The following RAP1GDS1 variants were observed in gnomAD, a reference collection of about 807,000 sequenced individuals.
RAP1GDS1 encodes the protein Rap1 GTPase-GDP dissociation stimulator 1, also known as RAP1, GTP-GDP dissociation stimulator 1.
A neutral mutation model predicts 71.1 loss-of-function variants in RAP1GDS1; 35 were observed. The ratio of observed to expected loss-of-function variants is 0.49; its 90% CI spans 0.38 to 0.65. The LOEUF is 0.65. RAP1GDS1 is among the 30% of genes least tolerant of loss of function. The probability of loss-of-function intolerance (pLI) is 0.00; values close to 1 mark genes in which losing one functional copy is unlikely to be tolerated. For synonymous variants in RAP1GDS1, 229 were observed against 243.1 expected (o/e 0.94, Z 0.54); for missense variants, 663 against 706.1 (o/e 0.94, Z 0.69).
chr4:98,411,832 T>C (rs1298138449), intron 7 of RAP1GDS1, among the ~76,000 whole-genome samples: 1 of 152,158 alleles, frequency 6.6e-6, no homozygotes, highest in Non-Finnish European at 1.5e-5. Context: ...ATTTGTATAG[T>C]TCAAGGATTT....
intron 4 of RAP1GDS1, among the ~76,000 whole-genome samples, chr4:98,358,380 A>G (rs1357610124): frequency 6.6e-6 from 1 of 152,066 alleles, no homozygotes; most frequent in East Asian, 1.9e-4. Flanking sequence ...TACAGAAGGT[A>G]GTTTTATTTG....
intron 1 of RAP1GDS1, among the ~76,000 whole-genome samples, chr4:98,270,912 T>C (rs1723361160): frequency 6.6e-6 from 1 of 152,134 alleles, no homozygotes; most frequent in African/African-American, 2.4e-5. Flanking sequence ...AGTAAATACA[T>C]TTTCTCTTCC....
chr4:98,289,414 T>G (rs771370581), intron 1 of RAP1GDS1, among the ~76,000 whole-genome samples: 4 of 151,806 alleles, frequency 2.6e-5, no homozygotes, highest in Non-Finnish European at 5.9e-5. Context: ...TTCTCACAAT[T>G]GTGAAAATGA....
intron 1 of RAP1GDS1, among the ~76,000 whole-genome samples, chr4:98,269,567 A>G (rs901311268): frequency 9.9e-5 from 15 of 152,206 alleles, no homozygotes; most frequent in African/African-American, 3.6e-4. Context: ...TGCAAGCCGT[A>G]TATCCGATTA....
intron 4 of RAP1GDS1, among the ~76,000 whole-genome samples, chr4:98,370,174 TAGTG>T (rs1226134973): frequency 4.6e-5 from 7 of 152,206 alleles, no homozygotes; most frequent in African/African-American, 7.2e-5. Flanking sequence ...GTATGAAACA[TAGTG>T]AGCATTCAGA....
At chr4:98,411,033 A>G (rs1345626491) in intron 7 of RAP1GDS1, among the ~76,000 whole-genome samples, 1 of 152,178 alleles carries the variant, frequency 6.6e-6, no homozygotes, top group East Asian at 1.9e-4. Context: ...TATTTTATGC[A>G]CTTCTCTGCA....
chr4:98,285,662 A>G (rs1335824173), intron 1 of RAP1GDS1, among the ~76,000 whole-genome samples: 1 of 151,708 alleles, frequency 6.6e-6, no homozygotes, highest in Non-Finnish European at 1.5e-5. Context: ...CACTTCTTAG[A>G]AGACAGTGGA....
In RAP1GDS1 at chr4:98,263,613, G is replaced by C. The variant is rs368502950; in HGVS notation, c.4+2044G>C. Among the ~76,000 whole-genome samples, 3 of 152,154 alleles carry C rather than the reference G, an allele frequency of 2.0e-5. No homozygotes were observed. The East Asian group carries it at 5.8e-4, about 29-fold the overall frequency. On this transcript the variant is annotated intron_variant, in intron 1 of 14. Transcript: ENST00000408927. ...ATAAAGTTGTTTATGTGTGTGCTGTGCATTTAATCATGAGTCCCAGAAGAT... is the reference window on the plus strand; with the variant it reads ...ATAAAGTTGTTTATGTGTGTGCTGTCCATTTAATCATGAGTCCCAGAAGAT...
intron 2 of RAP1GDS1, among the ~76,000 whole-genome samples, chr4:98,309,108 G>A (rs1031509602): frequency 3.3e-5 from 5 of 152,080 alleles, no homozygotes; most frequent in South Asian, 2.1e-4. Context: ...TATTGAGTGC[G>A]TGATGCCAAA....
intron 2 of RAP1GDS1, among the ~76,000 whole-genome samples, chr4:98,338,888 A>C (rs1421017262): frequency 6.6e-6 from 1 of 152,158 alleles, no homozygotes; most frequent in Non-Finnish European, 1.5e-5. Context: ...CATACCTGGA[A>C]ATTCCCTCTT....
At chr4:98,276,318 G>C (rs1724192739) in intron 1 of RAP1GDS1, among the ~76,000 whole-genome samples, 1 of 151,908 alleles carries the variant, frequency 6.6e-6, no homozygotes, top group Non-Finnish European at 1.5e-5. Context: ...AATTTTTAGG[G>C]GACACAAACA....
intron 4 of RAP1GDS1, among the ~76,000 whole-genome samples, chr4:98,370,691 C>T (rs144124841): frequency 1.3e-5 from 2 of 152,096 alleles, no homozygotes; most frequent in East Asian, 3.9e-4. Context: ...CTGCCTCAGC[C>T]TCCCGAGTAG....
intron 2 of RAP1GDS1, among the ~76,000 whole-genome samples, chr4:98,294,761 G>A (rs749129113): frequency 6.6e-6 from 1 of 152,076 alleles, no homozygotes; most frequent in Non-Finnish European, 1.5e-5. Context: ...CATGATCACA[G>A]AAAATTCTTA....
Position 98,363,478 on chromosome 4 carries a change from C to CAAAAAA in RAP1GDS1, c.361+10899_361+10904dup, listed in dbSNP as rs34393905. On this transcript the variant is annotated intron_variant, in intron 4 of 14. Transcript: ENST00000408927. ...CCTAAATAACAGTGAGACCCTGTCT[C>CAAAAAA]AAAAAAAAAAAAAAAAAAAAAAAAA... 1.4e-3 allele frequency among the ~76,000 whole-genome samples: 53 copies of CAAAAAA among 37,720 alleles called. 2 individuals are homozygous for CAAAAAA. The highest frequency in any genetic ancestry group is 4.9e-3 in the African/African-American group (50 of 10,108). 24.7% of individuals were successfully genotyped at this position (37,720 alleles called of 152,430 possible).
chr4:98,338,698 G>A (rs1374040224), intron 2 of RAP1GDS1, among the ~76,000 whole-genome samples: 1 of 152,072 alleles, frequency 6.6e-6, no homozygotes, highest in East Asian at 1.9e-4. Context: ...TTACTCTAAA[G>A]CTATATTACC....
chr4:98,301,259 G>A (rs898090141), intron 2 of RAP1GDS1, among the ~76,000 whole-genome samples: 4 of 151,796 alleles, frequency 2.6e-5, no homozygotes, highest in African/African-American at 9.7e-5. Flanking sequence ...GTCCATGAGG[G>A]CTTAGCACTG....
Position 98,434,059 on chromosome 4 carries a change from T to A in RAP1GDS1, c.1564T>A (p.Leu522Met), listed in dbSNP as rs761089732. ...TTTGGCATTAATAGCAGCTTTAGAA[T>A]TGGGTAAGTACCCCAGTGACAAACT... ...VALALIAALE[L>M]GTAEKDLESA... Residue 522 changes from leucine (L) to methionine (M), a missense_variant, in exon 13 of 15, where the codon TTG becomes ATG. Leu to Met is a conservative substitution (Grantham distance 15, BLOSUM62 2). Coordinates refer to ENST00000408927, the MANE Select transcript of RAP1GDS1 (RefSeq NM_001100427.2). 1 of 1,613,626 alleles carries A rather than the reference T, an allele frequency of 6.2e-7. No individual in the cohort carries two copies. Among genetic ancestry groups the A allele is most frequent in the Non-Finnish European group, 8.5e-7 (1 of 1,179,612 alleles).
intron 6 of RAP1GDS1, among the ~76,000 whole-genome samples, chr4:98,401,695 T>C (rs922904638): frequency 1.5e-4 from 23 of 152,208 alleles, no homozygotes; most frequent in African/African-American, 5.3e-4. Flanking sequence ...TTGATAGATA[T>C]AATGTCCAAA....
chr4:98,307,782 A>C (rs1729543460), intron 2 of RAP1GDS1, among the ~76,000 whole-genome samples: 1 of 152,136 alleles, frequency 6.6e-6, no homozygotes, highest in Admixed American at 6.6e-5. Flanking sequence ...TAGGTTTTGC[A>C]ATCAGAACAT....
Sources: allele counts gnomAD v4.1 joint callset (sites outside exome capture counted in the v4.1 genomes callset), GRCh38; gene constraint gnomAD v4.1.1; transcripts MANE v1.5; gene names NCBI Gene and HGNC (gene_info 2026-07-23, HGNC 2026-07-21).